The following ZNF648 variants were observed in gnomAD, a reference collection of about 807,000 sequenced individuals.
The protein encoded by ZNF648 is zinc finger protein 648.
In ZNF648, 1 loss-of-function variant was observed where a neutral mutation model predicts 0.3. The ratio of observed to expected loss-of-function variants is 3.90; its 90% CI spans 1.39 to 18.51. ZNF648 has a LOEUF of 18.51. Ranked by LOEUF, ZNF648 falls within the 30% of genes most tolerant of loss-of-function variation. The probability of loss-of-function intolerance (pLI) is 0.11; values close to 1 mark genes in which losing one functional copy is unlikely to be tolerated. For missense variants in ZNF648, 874 were observed against 769.7 expected (o/e 1.14, Z -1.60); for synonymous variants, 376 against 326.8 (o/e 1.15, Z -1.62).
Position 182,058,065 on chromosome 1 carries a change from T to C in ZNF648, c.-55A>G, listed in dbSNP as rs1414612752. 1.3e-6 allele frequency: 2 copies of C among 1,523,576 alleles called. No homozygotes were observed. The highest frequency in any genetic ancestry group is 1.8e-6 in the Non-Finnish European group (2 of 1,138,500). 94.4% of individuals were successfully genotyped at this position (1,523,576 alleles called of 1,614,324 possible). On this transcript the variant is annotated 5_prime_UTR_variant, in exon 2 of 2. Coordinates refer to ENST00000339948, the MANE Select transcript of ZNF648 (RefSeq NM_001009992.1). The stretch of plus-strand genomic sequence containing the variant: ...TCTGAGGAGGAGTATCCTGCTTGGC[T>C]CAGGATACCTGCAAAAAGAAAAGTA...
At chr1:182,065,399 A>C (rs893197235), upstream of ZNF648, among the ~76,000 whole-genome samples, 1 of 152,298 alleles carries the variant, frequency 6.6e-6, no homozygotes, top group Non-Finnish European at 1.5e-5. Flanking sequence ...GATGGTTCCC[A>C]CTAAGTGCCT....
the ZNF648 span, among the ~76,000 whole-genome samples, chr1:182,067,439 G>C: frequency 1.3e-5 from 2 of 152,192 alleles, no homozygotes; most frequent in African/African-American, 4.8e-5. Context: ...ACAAGGGATG[G>C]ACAAGTGCCC....
rs200158222 is a variant in ZNF648 at position 182,056,360 on chromosome 1, G to A, written c.1651C>T (p.Arg551Ter). The A allele has an allele frequency of 1.2e-6, 2 of 1,614,054 alleles. No individual in the cohort carries two copies. The highest frequency in any genetic ancestry group is 2.2e-5 in the East Asian group (1 of 44,852). Residue 551 changes from arginine (R) to a stop codon, truncating the protein, a stop_gained, in exon 2 of 2, where the codon CGA (arginine) becomes TGA (stop). Coordinates refer to ENST00000339948, the MANE Select transcript of ZNF648 (RefSeq NM_001009992.1). LOFTEE classifies it high-confidence loss of function. ...TTCTTGCAGGTGCCGTGCTTGGCTC[G>A]GTGTCGTTGGAGGTGATTGGACCTG... Reference protein sequence around the residue: ...FTRSNHLQRHRAKHGTCKKEP... With the variant: ...FTRSNHLQRH
the ZNF648 span, among the ~76,000 whole-genome samples, chr1:182,068,549 G>T: frequency 6.6e-6 from 1 of 152,192 alleles, no homozygotes; most frequent in African/African-American, 2.4e-5. Context: ...GTATCTCATA[G>T]TCTGGTTTGC....
upstream of ZNF648, among the ~76,000 whole-genome samples, chr1:182,065,286 G>A (rs1571282861): frequency 1.3e-5 from 2 of 152,244 alleles, no homozygotes; most frequent in East Asian, 1.9e-4. Context: ...CTCCTGGAAA[G>A]TCTTAGTCCC....
chr1:182,056,503 C>T lies in ZNF648; in HGVS notation c.1508G>A (p.Gly503Glu). 1 of 1,613,794 alleles carries T rather than the reference C, an allele frequency of 6.2e-7. No homozygotes were observed. The highest frequency in any genetic ancestry group is 2.2e-5 in the East Asian group (1 of 44,828). Residue 503 changes from glycine to glutamate, a missense_variant, in exon 2 of 2, where the codon GGA becomes GAA. Transcript: ENST00000339948. ...RHQQIHSGEKGFLCAECGRAF... is the reference protein window; with the variant it reads ...RHQQIHSGEKEFLCAECGRAF... The stretch of plus-strand genomic sequence containing the variant: ...CCTGCCGCACTCGGCACAGAGGAAT[C>T]CCTTCTCCCCGGAGTGGATCTGTTG...
upstream of ZNF648, chr1:182,063,135 T>G (rs1666052557): frequency 6.6e-6 from 1 of 152,208 alleles, no homozygotes. Context: ...ATTCCAAGTC[T>G]GCTATTGTGA....
rs546812244 is a variant in ZNF648, at chr1:182,057,087, C to T, written c.924G>A (p.Gln308=). The T allele has an allele frequency of 3.1e-6, 5 of 1,595,884 alleles. No homozygotes were observed. The highest frequency in any genetic ancestry group is 4.6e-5 in the East Asian group (2 of 43,414). The change falls in exon 2 of 2, where the codon CAG becomes CAA. Residue 308 remains glutamine, a synonymous_variant. Transcript: ENST00000339948. ...RRLHTGERPY[Q]CSFCDKAYTW... ...TGTAGGCCTTGTCGCAGAAGGAGCA[C>T]TGGTAGGGCCGCTCGCCCGTGTGCA...
At position 182,056,459 on chromosome 1, in the gene ZNF648, CAG is replaced by C. The variant is rs1348821972; in HGVS notation, c.1550_1551del (p.Ser517Ter). Reference sequence around the variant, plus strand: ...TGCATTCGTATGTGCTGGGCCAACTCAGAGGCAATGCGGAAGGCCCTGCCGCA... The same window carrying C: ...TGCATTCGTATGTGCTGGGCCAACTCAGGCAATGCGGAAGGCCCTGCCGCA... ...AECGRAFRIA[S>X]ELAQHIRMHN... On this transcript the variant is annotated frameshift_variant, in exon 2 of 2. Transcript: ENST00000339948. LOFTEE classifies it low-confidence loss of function (END_TRUNC). 1.9e-6 allele frequency: 3 copies of C among 1,613,886 alleles called. No individual in the cohort carries two copies. Among genetic ancestry groups the C allele is most frequent in the Admixed American group, 3.3e-5 (2 of 59,984 alleles).
rs1665887173 is a variant in ZNF648 at position 182,055,152 on chromosome 1, G to C, written c.*1152C>G. 1 of 152,210 alleles carries C rather than the reference G, an allele frequency of 6.6e-6. No individual in the cohort carries two copies. The highest frequency in any genetic ancestry group is 2.4e-5 in the African/African-American group (1 of 41,430). 9.4% of individuals were successfully genotyped at this position (152,210 alleles called of 1,614,324 possible). ...TTCCTCACAGTTGAGGTTCAGCTAA[G>C]AACTACTGACTTTATACAGATCACT... On this transcript the variant is annotated 3_prime_UTR_variant, in exon 2 of 2. Transcript: ENST00000339948. This position sits in a 1 kb window ranked among gnomAD's most constrained non-coding sequence, Gnocchi z 4.1.
rs762101110 is a variant in ZNF648, at chr1:182,056,391, G to C, written c.1620C>G (p.Ala540=). 35 of 1,614,064 alleles carry C rather than the reference G, an allele frequency of 2.2e-5. 1 individual carries two copies. In the Admixed American group the frequency reaches 4.3e-4, roughly 20 times the overall value. Residue 540 remains alanine, a synonymous_variant, in exon 2 of 2, where the codon GCC becomes GCG. Coordinates refer to ENST00000339948, the MANE Select transcript of ZNF648 (RefSeq NM_001009992.1). The stretch of plus-strand genomic sequence containing the variant: ...GTTGGAGGTGATTGGACCTGGTGAA[G>C]GCCTGGCCGCAGTCCTCACACTGGT... ...RPYQCEDCGQ[A]FTRSNHLQRH...
At position 182,057,220 on chromosome 1, in the gene ZNF648, T is replaced by G. The variant is rs1665940725; in HGVS notation, c.791A>C (p.Lys264Thr). 6.4e-7 allele frequency: 1 copy of G among 1,567,164 alleles called. No individual in the cohort carries two copies. Among genetic ancestry groups the G allele is most frequent in the South Asian group, 1.1e-5 (1 of 88,226 alleles). The change falls in exon 2 of 2, where the codon AAG becomes ACG. Residue 264 changes from lysine to threonine, a missense_variant. Lys to Thr is a moderately conservative substitution (Grantham distance 78). Coordinates refer to ENST00000339948, the MANE Select transcript of ZNF648 (RefSeq NM_001009992.1). ...GCGCGTCTCCGCGGGGCTCAGCGGC[T>G]TGCTGGGCTTCTGAAAGGCCCGCCC... ...RGGRAFQKPS[K>T]PLSPAETRGG...
In ZNF648 at chr1:182,057,612, T is replaced by C; in HGVS notation, c.399A>G (p.Lys133=). Reference sequence around the variant, plus strand: ...CAAGAGGTTGCATCTGACCTAACAATTTGTGTGCGAGACCACTGGGAAGGG... The same window carrying C: ...CAAGAGGTTGCATCTGACCTAACAACTTGTGTGCGAGACCACTGGGAAGGG... ...LGSLPSGLAH[K]LLGQMQPLGD... Residue 133 remains lysine (K), a synonymous_variant, in exon 2 of 2, where the codon AAA becomes AAG. Transcript: ENST00000339948. 6.2e-7 allele frequency: 1 copy of C among 1,614,096 alleles called. No homozygotes were observed. Among genetic ancestry groups the C allele is most frequent in the Middle Eastern group, 1.6e-4 (1 of 6,062 alleles).
In ZNF648 at chr1:182,056,258, G is replaced by T. The variant is rs768595283; in HGVS notation, c.*46C>A. Reference sequence around the variant, plus strand: ...TGAGGCTGGCAATACCATGTGAGTGGGCCCACCTGGGAAGGTTCCAAGTAG... The same window carrying T: ...TGAGGCTGGCAATACCATGTGAGTGTGCCCACCTGGGAAGGTTCCAAGTAG... On this transcript the variant is annotated 3_prime_UTR_variant, in exon 2 of 2. Transcript: ENST00000339948. The T allele has an allele frequency of 5.1e-6, 8 of 1,554,464 alleles. No homozygotes were observed. Among genetic ancestry groups the T allele is most frequent in the Non-Finnish European group, 7.0e-6 (8 of 1,149,118 alleles).
chr1:182,060,316 C>T (rs890441983), intron 1 of ZNF648, among the ~76,000 whole-genome samples: 2 of 152,224 alleles, frequency 1.3e-5, no homozygotes, highest in Admixed American at 1.3e-4. Flanking sequence ...CTTTCACTGC[C>T]ATCTCAGACT....
chr1:182,060,180 A>T (rs190139829), intron 1 of ZNF648, among the ~76,000 whole-genome samples: 1 of 152,354 alleles, frequency 6.6e-6, no homozygotes, highest in East Asian at 1.9e-4. Flanking sequence ...TCCGCCAAAG[A>T]GAGAGGCCAG....
In ZNF648 at chr1:182,057,022, G is replaced by C; in HGVS notation, c.989C>G (p.Thr330Arg). ...TGGACACGGGTAGGGTTTCTCGCCT[G>C]TGTGGGTGCGGATGTGCTTCCGGTG... ...SDHRKHIRTH[T>R]GEKPYPCPDC... Residue 330 changes from threonine (T) to arginine (R), a missense_variant, in exon 2 of 2, where the codon ACA becomes AGA. Transcript: ENST00000339948. 6.2e-7 allele frequency: 1 copy of C among 1,613,656 alleles called. No homozygotes were observed.
rs746557141 is a variant in ZNF648, at chr1:182,056,964, G to A, written c.1047C>T (p.Asp349=). ...DCGKAFVRSS[D]LRKHQRNMHS... The stretch of plus-strand genomic sequence containing the variant: ...GCATGTTGCGCTGGTGTTTGCGCAG[G>A]TCCGAAGAGCGCACGAAGGCCTTCC... Residue 349 remains aspartate, a synonymous_variant, in exon 2 of 2, where the codon GAC becomes GAT. Coordinates refer to ENST00000339948, the MANE Select transcript of ZNF648 (RefSeq NM_001009992.1). The A allele has an allele frequency of 1.2e-6, 2 of 1,613,704 alleles. No homozygotes were observed.
intron 1 of ZNF648, among the ~76,000 whole-genome samples, chr1:182,060,463 A>G (rs970642436): frequency 9.2e-5 from 14 of 152,164 alleles, no homozygotes; most frequent in African/African-American, 3.4e-4. Flanking sequence ...GTATGGAGGA[A>G]TCCTCACTTT....
Sources: gnomAD v4.1 joint callset for allele counts (sites outside exome capture counted in the v4.1 genomes callset) on GRCh38, gnomAD v4.1.1 for gene constraint, Gnocchi (gnomAD v3.1) non-coding constraint, MANE v1.5 for transcripts, NCBI Gene and HGNC (gene_info 2026-07-23, HGNC 2026-07-21) for gene names.